The following MED13 variants were observed in gnomAD, a reference collection of about 807,000 sequenced individuals.
MED13 encodes the protein mediator complex subunit 13.
Under a neutral mutation model 225.2 loss-of-function variants are expected in MED13, and 23 were observed. The ratio of observed to expected loss-of-function variants is 0.10; its 90% CI spans 0.07 to 0.14. MED13 has a LOEUF of 0.14. MED13 is among the 10% of genes least tolerant of loss of function. The pLI is 1.00. For synonymous variants in MED13, 942 were observed against 889.2 expected (o/e 1.06, Z -1.06); for missense variants, 2,197 against 2,594.5 (o/e 0.85, Z 3.33).
chr17:62,050,490 T>C (rs1162665916), intron 3 of MED13, among the ~76,000 whole-genome samples: 6 of 151,864 alleles, frequency 4.0e-5, no homozygotes, highest in African/African-American at 1.4e-4. Flanking sequence ...AATGGTAGGC[T>C]GTTGTGACCA....
chr17:62,044,331 A>G (rs954318313), intron 3 of MED13, among the ~76,000 whole-genome samples: 3 of 152,194 alleles, frequency 2.0e-5, no homozygotes, highest in Non-Finnish European at 4.4e-5. Context: ...ACCCAAAAAA[A>G]TAACTTTCTG....
rs1451824428 is a variant in MED13, at chr17:61,943,003, T to C, written c.*3465A>G. On this transcript the variant is annotated 3_prime_UTR_variant, in exon 30 of 30. Transcript: ENST00000397786. ...GAATACATCAACCTGAGGAGTATTTTAGGTCCCAAATCCAGTTTTTAAATT... is the reference window on the plus strand; with the variant it reads ...GAATACATCAACCTGAGGAGTATTTCAGGTCCCAAATCCAGTTTTTAAATT... The C allele has an allele frequency of 1.3e-5, 2 of 152,528 alleles. No homozygotes were observed. The highest frequency in any genetic ancestry group is 4.8e-5 in the African/African-American group (2 of 41,426). 9.4% of individuals were successfully genotyped at this position (152,528 alleles called of 1,614,324 possible). A position where few individuals can be genotyped will look rare whatever the true frequency, so the allele number is the denominator to read the frequency against.
chr17:62,038,885 G>C (rs2080829241), intron 3 of MED13, among the ~76,000 whole-genome samples: 1 of 152,014 alleles, frequency 6.6e-6, no homozygotes, highest in African/African-American at 2.4e-5. Context: ...ATGTTGCCCA[G>C]GCTGGCCTCA....
intron 10 of MED13, 64 bp downstream of exon 10, chr17:61,995,088 G>C (rs1274987060): frequency 7.8e-6 from 8 of 1,027,494 alleles, no homozygotes; most frequent in African/African-American, 4.8e-5. Context: ...GGTAGTAAGA[G>C]TGTTACTATA....
intron 2 of MED13, among the ~76,000 whole-genome samples, chr17:62,062,613 C>CAT (rs1438016760): frequency 2.0e-5 from 3 of 150,894 alleles, no homozygotes; most frequent in Non-Finnish European, 4.4e-5. Flanking sequence ...CACACACACA[C>CAT]ACACACACAC....
intron 9 of MED13, among the ~76,000 whole-genome samples, chr17:62,010,239 A>G (rs2080493603): frequency 6.6e-6 from 1 of 151,986 alleles, no homozygotes; most frequent in Non-Finnish European, 1.5e-5. Flanking sequence ...AAGGTACCAA[A>G]TTCAGGACAG....
chr17:62,036,531 A>G (rs2143696680), intron 3 of MED13, among the ~76,000 whole-genome samples: 1 of 152,356 alleles, frequency 6.6e-6, no homozygotes, highest in African/African-American at 2.4e-5. Context: ...TTAAGAATTC[A>G]TCCTTAAAAG....
At chr17:61,962,654 T>C (rs1008402609) in intron 21 of MED13, 98 bp downstream of exon 21, 1 of 995,244 alleles carries the variant, frequency 1.0e-6, no homozygotes, top group Non-Finnish European at 1.5e-6. Context: ...ACTTGGCTTT[T>C]AGATAATCAA....
At position 61,973,117 on chromosome 17, in the gene MED13, AT is replaced by A. The variant is rs373205184; in HGVS notation, c.3806-230del. Among the ~76,000 whole-genome samples the A allele has an allele frequency of 2.8e-3, 423 of 152,354 alleles. 3 individuals carry two copies. Among genetic ancestry groups the A allele is most frequent in the African/African-American group, 9.1e-3 (379 of 41,594 alleles). On this transcript the variant is annotated intron_variant, in intron 16 of 29. Coordinates refer to ENST00000397786, the MANE Select transcript of MED13 (RefSeq NM_005121.3). ...ACACAATAAAAAGTTACTGTAACTT[AT>A]TTCCATAAAAAGTCATTCATTAGCT...
intron 8 of MED13, among the ~76,000 whole-genome samples, chr17:62,012,193 G>A (rs1489125925): frequency 6.6e-6 from 1 of 151,744 alleles, no homozygotes; most frequent in East Asian, 1.9e-4. Context: ...TCCAGCCTGG[G>A]TGACAGAGCA....
intron 8 of MED13, among the ~76,000 whole-genome samples, chr17:62,023,504 G>C (rs931578514): frequency 2.6e-5 from 4 of 152,172 alleles, no homozygotes; most frequent in Non-Finnish European, 5.9e-5. Flanking sequence ...TGTGTTAATA[G>C]GACACAAGGG....
intron 9 of MED13, among the ~76,000 whole-genome samples, chr17:61,999,245 T>C (rs779109747): frequency 2.0e-5 from 3 of 152,166 alleles, no homozygotes; most frequent in Non-Finnish European, 2.9e-5. Flanking sequence ...GGCTAAGATA[T>C]CCTGATATAC....
chr17:62,030,896 T>C (rs1456919087), intron 6 of MED13: 2 of 152,300 alleles, frequency 1.3e-5, no homozygotes, highest in Non-Finnish European at 2.9e-5. Context: ...TAAAACGCTT[T>C]AGTTCTGTAT....
At chr17:61,972,650 G>A in intron 17 of MED13, 77 bp downstream of exon 17, 1 of 1,267,536 alleles carries the variant, frequency 7.9e-7, no homozygotes. Context: ...GAAAACTAAT[G>A]TGCTTATTCT....
intron 11 of MED13, among the ~76,000 whole-genome samples, chr17:61,988,169 C>A (rs2080264788): frequency 6.6e-6 from 1 of 152,172 alleles, no homozygotes; most frequent in South Asian, 2.1e-4. Flanking sequence ...CGACAAATTA[C>A]TTAATGTCTC....
intron 10 of MED13, among the ~76,000 whole-genome samples, chr17:61,994,946 G>A (rs1426924643): frequency 6.6e-6 from 1 of 152,122 alleles, no homozygotes; most frequent in Admixed American, 6.6e-5. Context: ...CCTGTCCTCA[G>A]GTGATCTGCC....
intron 9 of MED13, among the ~76,000 whole-genome samples, chr17:62,009,614 C>A (rs1345748692): frequency 2.0e-5 from 3 of 152,198 alleles, no homozygotes; most frequent in Admixed American, 6.5e-5. Context: ...TTCTCATACA[C>A]TGCTGGTTCA....
At chr17:61,959,088 C>T (rs2079974995) in intron 23 of MED13, among the ~76,000 whole-genome samples, 1 of 151,918 alleles carries the variant, frequency 6.6e-6, no homozygotes, top group African/African-American at 2.4e-5. Context: ...ACTGCAACCT[C>T]CGCCTCCTGG....
At chr17:62,063,482 G>C (rs563147016) in intron 1 of MED13, among the ~76,000 whole-genome samples, 181 bp from the exon 2 acceptor site, 1 of 152,244 alleles carries the variant, frequency 6.6e-6, no homozygotes, top group Non-Finnish European at 1.5e-5. Context: ...TTAGGGAGAA[G>C]AATACAGTTA....
Sources: gnomAD v4.1 joint callset for allele counts (sites outside exome capture counted in the v4.1 genomes callset) on GRCh38, gnomAD v4.1.1 for gene constraint, MANE v1.5 for transcripts, NCBI Gene and HGNC (gene_info 2026-07-23, HGNC 2026-07-21) for gene names.